The following NMT1 variants were observed in gnomAD, a reference collection of about 807,000 sequenced individuals.
The protein encoded by NMT1 is N-myristoyltransferase 1.
In NMT1, 12 loss-of-function variants were observed where a neutral mutation model predicts 63.4. The observed-to-expected ratio is 0.19, with a 90% confidence interval of 0.12 to 0.31. The LOEUF (loss-of-function observed/expected upper bound fraction) is 0.31, where lower values mean the gene tolerates loss of function less well. Ranked by LOEUF, NMT1 falls within the 10% of genes least tolerant of loss-of-function variation. The pLI is 1.00. For synonymous variants in NMT1, 228 were observed against 234.3 expected, an observed-to-expected ratio of 0.97 and a Z score of 0.25; for missense variants, 432 against 634.6, an observed-to-expected ratio of 0.68 and a Z score of 3.43.
chr17:45,088,239 G>A (rs2054066939), intron 3 of NMT1, among the ~76,000 whole-genome samples: 1 of 152,206 alleles, frequency 6.6e-6, no homozygotes. Context: ...ACAGGGTAGG[G>A]TCCCAGTGAC....
Position 45,103,824 on chromosome 17 carries a change from C to T in NMT1, c.1280C>T (p.Thr427Ile). ...GCTTATTCTTTCTACAACGTTCACA[C>T]CCAGACCCCTCTTCTAGACCTCATG... ...KAAYSFYNVH[T>I]QTPLLDLMSD... Residue 427 changes from threonine (T) to isoleucine (I), a missense_variant, in exon 10 of 12, where the codon ACC becomes ATC. By Grantham distance (89) the Thr-to-Ile change is moderately conservative (BLOSUM62 -1). Around this residue, in one of 4 missense-constraint regions of NMT1, gnomAD observed 295 missense variants for 489.7 expected, o/e 0.60. Coordinates refer to ENST00000258960, the MANE Select transcript of NMT1 (RefSeq NM_021079.5). The surrounding 1 kb of genome is among the most constrained non-coding windows in gnomAD (Gnocchi z 4.8). The T allele has an allele frequency of 6.2e-7, 1 of 1,614,202 alleles. No individual in the cohort carries two copies. The highest frequency in any genetic ancestry group is 8.5e-7 in the Non-Finnish European group (1 of 1,180,048).
chr17:45,097,132 C>T lies in NMT1; in HGVS notation c.601C>T (p.Leu201Phe). The T allele has an allele frequency of 6.2e-7, 1 of 1,614,064 alleles. No individual in the cohort carries two copies. Among genetic ancestry groups the T allele is most frequent in the Non-Finnish European group, 8.5e-7 (1 of 1,179,888 alleles). The stretch of plus-strand genomic sequence containing the variant: ...ACCCCAGCCTCTCTTTTCCAGGGCT[C>T]TCCGGCCACCCGGCTGGCTCCCCCA... ...DYSPEFLLWALRPPGWLPQWH... is the reference protein window; with the variant it reads ...DYSPEFLLWAFRPPGWLPQWH... The change falls in exon 6 of 12, where the codon CTC (leucine) becomes TTC (phenylalanine). Residue 201 changes from leucine (L) to phenylalanine (F), a missense_variant. Physicochemically the swap from Leu to Phe is conservative, Grantham distance 22 (BLOSUM62 0). Transcript: ENST00000258960.
At chr17:45,072,784 CTCCTGA>C (rs2053951110) in intron 1 of NMT1, among the ~76,000 whole-genome samples, 1 of 150,760 alleles carries the variant, frequency 6.6e-6, no homozygotes, top group Non-Finnish European at 1.5e-5. Context: ...TGGTCTCGAT[CTCCTGA>C]CGTCGTGATC....
intron 3 of NMT1, among the ~76,000 whole-genome samples, chr17:45,091,451 G>A (rs2054087424): frequency 3.3e-5 from 5 of 152,106 alleles, no homozygotes; most frequent in Admixed American, 3.3e-4. Context: ...GGACCTAGTA[G>A]CCAGCCTAAA....
At chr17:45,065,695 T>C (rs1048378098) in intron 1 of NMT1, among the ~76,000 whole-genome samples, 2 of 151,458 alleles carry the variant, frequency 1.3e-5, no homozygotes, top group African/African-American at 2.4e-5. Flanking sequence ...AGCTTTCCAC[T>C]GTTGTGTGCT....
chr17:45,072,344 C>T (rs2089345702), intron 1 of NMT1, among the ~76,000 whole-genome samples: 1 of 151,694 alleles, frequency 6.6e-6, no homozygotes, highest in African/African-American at 2.4e-5. Context: ...ACTGCAACCT[C>T]CCCCTCCCAG....
chr17:45,099,178 GT>G (rs1475874715), intron 7 of NMT1, among the ~76,000 whole-genome samples: 1 of 152,178 alleles, frequency 6.6e-6, no homozygotes, highest in Non-Finnish European at 1.5e-5. Context: ...CAAAGGAATA[GT>G]TTTTGAAATT....
intron 3 of NMT1, among the ~76,000 whole-genome samples, chr17:45,092,527 A>G (rs1338645355): frequency 4.7e-5 from 7 of 149,814 alleles, no homozygotes; most frequent in African/African-American, 1.7e-4. Flanking sequence ...GTGAAACTCC[A>G]TCTCTACTGA....
intron 1 of NMT1, among the ~76,000 whole-genome samples, chr17:45,081,395 G>A (rs542257318): frequency 6.8e-4 from 103 of 152,260 alleles, no homozygotes; most frequent in Non-Finnish European, 1.1e-3. Context: ...AAGCAAGAAC[G>A]GAAAAGGCCC....
intron 1 of NMT1, among the ~76,000 whole-genome samples, chr17:45,067,869 G>C (rs548504628): frequency 6.6e-6 from 1 of 152,266 alleles, no homozygotes; most frequent in South Asian, 2.1e-4. Flanking sequence ...CCTATTTCAG[G>C]GACTCGCTGC....
At position 45,106,936 on chromosome 17, in the gene NMT1, T is replaced by C. The variant is rs1404245218; in HGVS notation, c.*1297T>C. 2.0e-5 allele frequency: 3 copies of C among 152,490 alleles called. No individual in the cohort carries two copies. The highest frequency in any genetic ancestry group is 6.5e-5 in the Admixed American group (1 of 15,304). The allele number at this position is 152,490 out of a possible 1,614,324, so 9.4% of individuals were successfully genotyped here. A position where few individuals can be genotyped will look rare whatever the true frequency, so the allele number is the denominator to read the frequency against. ...AAGCCTCTGGTCACATGGCTGTCGATGTAGGCATTCTGGAGTGGTGTTCAG... is the reference window on the plus strand; with the variant it reads ...AAGCCTCTGGTCACATGGCTGTCGACGTAGGCATTCTGGAGTGGTGTTCAG... On this transcript the variant is annotated 3_prime_UTR_variant, in exon 12 of 12. Coordinates refer to ENST00000258960, the MANE Select transcript of NMT1 (RefSeq NM_021079.5).
chr17:45,094,675 C>T (rs900666664), intron 4 of NMT1, among the ~76,000 whole-genome samples: 6 of 149,292 alleles, frequency 4.0e-5, no homozygotes, highest in East Asian at 2.0e-4. Context: ...CCACCACGCC[C>T]AGCTAATTTT....
At chr17:45,066,661 A>G (rs2053904910) in intron 1 of NMT1, among the ~76,000 whole-genome samples, 1 of 152,064 alleles carries the variant, frequency 6.6e-6, no homozygotes, top group Admixed American at 6.6e-5. Context: ...TGCAGTGTGT[A>G]TGGGTGCGTC....
At chr17:45,093,106 CT>C (rs1275556323) in intron 3 of NMT1, among the ~76,000 whole-genome samples, 1 of 150,722 alleles carries the variant, frequency 6.6e-6, no homozygotes, top group Non-Finnish European at 1.5e-5. Flanking sequence ...ACTATGTAGA[CT>C]TGGTGATTCA....
Position 45,061,410 on chromosome 17 carries a change from T to G in NMT1, c.81T>G (p.His27Gln), listed in dbSNP as rs776300314. The change falls in exon 1 of 12, where the codon CAT becomes CAG. Residue 27 changes from histidine to glutamine, a missense_variant. This residue lies in a region of NMT1 where 121 missense variants were observed against 103.7 expected (regional missense o/e 1.17). Coordinates refer to ENST00000258960, the MANE Select transcript of NMT1 (RefSeq NM_021079.5). ...PQMMEGNGNGHEHCSDCENEE... is the reference protein window; with the variant it reads ...PQMMEGNGNGQEHCSDCENEE... ...TGATGGAAGGGAACGGGAACGGCCA[T>G]GAGCACTGCAGCGATTGCGAGAATG... 2 of 1,613,966 alleles carry G rather than the reference T, an allele frequency of 1.2e-6. No homozygotes were observed. The highest frequency in any genetic ancestry group is 8.5e-7 in the Non-Finnish European group (1 of 1,179,936).
chr17:45,061,650 G>T, intron 1 of NMT1, 190 bp downstream of exon 1: 3 of 562,818 alleles, frequency 5.3e-6, no homozygotes, highest in Non-Finnish European at 6.3e-6. Context: ...GGATATTAAG[G>T]GCCGGAGACG....
chr17:45,102,891 C>T, intron 8 of NMT1, 60 bp from the exon 9 acceptor site: 1 of 1,490,032 alleles, frequency 6.7e-7, no homozygotes, highest in Non-Finnish European at 9.2e-7. Context: ...TCTGTCCTTG[C>T]CATGGATAGA....
rs1475618813 is a variant in NMT1, at chr17:45,102,885, T to C, written c.994-66T>C. 2.7e-6 allele frequency: 4 copies of C among 1,475,680 alleles called. No individual in the cohort carries two copies. In the African/African-American group the frequency reaches 5.5e-5, roughly 20 times the overall value. 91.4% of individuals were successfully genotyped at this position (1,475,680 alleles called of 1,614,324 possible). ...GATTCTCTCTTGAGGGCCTGATCTG[T>C]CCTTGCCATGGATAGATCCAGGGTG... On this transcript the variant is annotated intron_variant, in intron 8 of 11. Coordinates refer to ENST00000258960, the MANE Select transcript of NMT1 (RefSeq NM_021079.5).
chr17:45,100,972 G>A (rs978647287), intron 8 of NMT1, among the ~76,000 whole-genome samples: 1 of 149,520 alleles, frequency 6.7e-6, no homozygotes, highest in South Asian at 2.1e-4. Context: ...ACGAGGTCAG[G>A]AGATCGAGAC....
Sources: gnomAD v4.1 joint callset for allele counts (sites outside exome capture counted in the v4.1 genomes callset) on GRCh38, gnomAD v4.1.1 for gene constraint, gnomAD v4.1.1 regional missense constraint, Gnocchi (gnomAD v3.1) non-coding constraint, MANE v1.5 for transcripts, NCBI Gene and HGNC (gene_info 2026-07-23, HGNC 2026-07-21) for gene names.